The following CREG2 variants were observed in gnomAD, a reference collection of about 807,000 sequenced individuals.
CREG2 encodes the protein cellular repressor of E1A stimulated genes 2.
A neutral mutation model predicts 26.2 loss-of-function variants in CREG2; 24 were observed. The observed-to-expected ratio is 0.92, with a 90% confidence interval of 0.66 to 1.29. The LOEUF is 1.29. Ranked by LOEUF, CREG2 falls within the 50% of genes most tolerant of loss-of-function variation. The pLI is 0.00. For missense variants in CREG2, 366 were observed against 398.6 expected, an observed-to-expected ratio of 0.92 and a Z score of 0.70; for synonymous variants, 174 against 169.2, an observed-to-expected ratio of 1.03 and a Z score of -0.22.
chr2:101,362,386 T>C (rs1457828456), intron 2 of CREG2, among the ~76,000 whole-genome samples: 10 of 152,230 alleles, frequency 6.6e-5, no homozygotes, highest in Admixed American at 3.3e-4. Flanking sequence ...TTAAGTGAAC[T>C]GTTAAATTTC....
At chr2:101,351,444 C>T (rs934507363) in intron 3 of CREG2, among the ~76,000 whole-genome samples, 1 of 152,182 alleles carries the variant, frequency 6.6e-6, no homozygotes, top group Non-Finnish European at 1.5e-5. Context: ...GGCAATGAAC[C>T]ACACAGAAAA....
intron 2 of CREG2, among the ~76,000 whole-genome samples, chr2:101,356,782 CAT>C (rs1260268242): frequency 2.0e-5 from 3 of 152,110 alleles, no homozygotes; most frequent in Non-Finnish European, 4.4e-5. Context: ...GTAGTGTGAT[CAT>C]ATTTGTGACT....
chr2:101,355,213 G>C (rs367585203), intron 3 of CREG2, 40 bp downstream of exon 3: 4 of 1,259,050 alleles, frequency 3.2e-6, no homozygotes, highest in Non-Finnish European at 4.7e-6. Flanking sequence ...TATTAGTATT[G>C]TGTATTTCTG....
intron 2 of CREG2, among the ~76,000 whole-genome samples, chr2:101,357,477 C>T (rs1214346399): frequency 1.3e-5 from 2 of 152,184 alleles, no homozygotes; most frequent in Non-Finnish European, 2.9e-5. Flanking sequence ...TTGGCCACAG[C>T]TTGTGCCTTA....
chr2:101,350,892 T>C lies in CREG2; in HGVS notation c.*31A>G. The C allele has an allele frequency of 6.2e-7, 1 of 1,611,814 alleles. No individual in the cohort carries two copies. The highest frequency in any genetic ancestry group is 8.5e-7 in the Non-Finnish European group (1 of 1,178,750). ...ATCACTGAAAAGGTTTTCATTTAAGTGCAAACACCAAGGACTTTCTTCTCA... is the reference window on the plus strand; with the variant it reads ...ATCACTGAAAAGGTTTTCATTTAAGCGCAAACACCAAGGACTTTCTTCTCA... On this transcript the variant is annotated 3_prime_UTR_variant, in exon 4 of 4. Transcript: ENST00000324768.
At position 101,365,174 on chromosome 2, in the gene CREG2, T is replaced by G. The variant is rs1001912287; in HGVS notation, c.612-9808A>C. ...AGGCCTGCAGCTTCCACTGCCAGTT[T>G]TATTCCTGTTCCCTAGGGTAACCCT... is the stretch of plus-strand genomic sequence containing the variant. On this transcript the variant is annotated intron_variant, in intron 2 of 3. Coordinates refer to ENST00000324768, the MANE Select transcript of CREG2 (RefSeq NM_153836.4). Among the ~76,000 whole-genome samples the G allele has an allele frequency of 2.0e-5, 3 of 152,326 alleles. No homozygotes were observed. In the South Asian group the frequency reaches 6.2e-4, roughly 32 times the overall value.
chr2:101,374,926 A>G (rs1294210470), intron 2 of CREG2, among the ~76,000 whole-genome samples: 1 of 152,152 alleles, frequency 6.6e-6, no homozygotes, highest in East Asian at 1.9e-4. Flanking sequence ...GTGCACCCTC[A>G]TTTAGTTGTG....
intron 1 of CREG2, among the ~76,000 whole-genome samples, chr2:101,385,158 A>ATATT (rs902792184): frequency 1.3e-5 from 2 of 152,130 alleles, no homozygotes; most frequent in Non-Finnish European, 2.9e-5. Flanking sequence ...ATAAACAAAA[A>ATATT]TATTTATTTA....
At chr2:101,381,797 G>T (rs1684878640) in intron 2 of CREG2, among the ~76,000 whole-genome samples, 3 of 152,298 alleles carry the variant, frequency 2.0e-5, no homozygotes, top group Admixed American at 2.0e-4. Flanking sequence ...TTAGCCAGGG[G>T]GCTGCACAGG....
intron 1 of CREG2, among the ~76,000 whole-genome samples, 183 bp downstream of exon 1, chr2:101,386,834 G>A (rs1381605469): frequency 6.6e-6 from 1 of 152,122 alleles, no homozygotes; most frequent in East Asian, 1.9e-4. Context: ...CCCCGACTTC[G>A]CCAGGCTCAC....
chr2:101,385,406 C>G (rs2104489751), intron 1 of CREG2, among the ~76,000 whole-genome samples: 1 of 152,218 alleles, frequency 6.6e-6, no homozygotes, highest in South Asian at 2.1e-4. Flanking sequence ...GTCTTGAACT[C>G]CTGACCTCAA....
chr2:101,353,457 A>G (rs1255185314), intron 3 of CREG2, among the ~76,000 whole-genome samples: 1 of 152,236 alleles, frequency 6.6e-6, no homozygotes, highest in African/African-American at 2.4e-5. Context: ...TTAAAAAGTC[A>G]GGAAGCAACA....
chr2:101,387,156 G>A lies in CREG2; in HGVS notation c.302C>T (p.Pro101Leu), dbSNP rs1475830559. The A allele has an allele frequency of 4.7e-6, 6 of 1,268,014 alleles. No homozygotes were observed. The highest frequency in any genetic ancestry group is 1.6e-5 in the African/African-American group (1 of 64,398). 78.5% of individuals were successfully genotyped at this position (1,268,014 alleles called of 1,614,324 possible). Residue 101 changes from proline to leucine, a missense_variant, in exon 1 of 4, where the codon CCC becomes CTC. Pro to Leu is a moderately conservative substitution (Grantham distance 98). This residue lies in a region of CREG2 where 177 missense variants were observed against 183.3 expected (regional missense o/e 0.97). Transcript: ENST00000324768. This position sits in a 1 kb window ranked among gnomAD's most constrained non-coding sequence, Gnocchi z 4.7. ...AARARPPPAP[P>L]GMFSYRREGG... The stretch of plus-strand genomic sequence containing the variant: ...CTCGCGCCGGTAGGAGAACATCCCG[G>A]GTGGCGCGGGGGGCGGCCTGGCCCG...
At chr2:101,380,070 A>C (rs1235447030) in intron 2 of CREG2, among the ~76,000 whole-genome samples, 1 of 141,636 alleles carries the variant, frequency 7.1e-6, no homozygotes, top group Non-Finnish European at 1.6e-5. Flanking sequence ...TCCATCCATC[A>C]TTCATCTATC....
chr2:101,358,198 G>T (rs968082317), intron 2 of CREG2, among the ~76,000 whole-genome samples: 1 of 151,938 alleles, frequency 6.6e-6, no homozygotes, highest in Non-Finnish European at 1.5e-5. Context: ...CACCATGTTG[G>T]CCAGGCTGGT....
intron 3 of CREG2, among the ~76,000 whole-genome samples, chr2:101,352,342 C>T (rs1443839858): frequency 6.6e-6 from 1 of 152,138 alleles, no homozygotes; most frequent in Non-Finnish European, 1.5e-5. Flanking sequence ...AAGATAATAA[C>T]ATGATTGTTG....
chr2:101,364,040 G>A lies in CREG2; in HGVS notation c.612-8674C>T, dbSNP rs530810155. Among the ~76,000 whole-genome samples, 159 of 152,308 alleles carry A rather than the reference G, an allele frequency of 1.0e-3. 1 individual carries two copies. The highest frequency in any genetic ancestry group is 3.4e-3 in the African/African-American group (143 of 41,562). On this transcript the variant is annotated intron_variant, in intron 2 of 3. Coordinates refer to ENST00000324768, the MANE Select transcript of CREG2 (RefSeq NM_153836.4). The stretch of plus-strand genomic sequence containing the variant: ...GAGCATCTTGGTTGTCACAGAAACC[G>A]GGTTGAGGGGCTCTATCTCCTTGCA...
At chr2:101,383,865 C>T (rs144554988) in intron 1 of CREG2, among the ~76,000 whole-genome samples, 163 bp from the exon 2 acceptor site, 1 of 152,168 alleles carries the variant, frequency 6.6e-6, no homozygotes, top group Admixed American at 6.5e-5. Flanking sequence ...AGGTGGTCCC[C>T]AGTCTGCCCA....
rs1229337576 is a variant in CREG2, at chr2:101,349,367, T to C, written c.*1556A>G. The C allele has an allele frequency of 6.6e-6, 1 of 152,650 alleles. No homozygotes were observed. Among genetic ancestry groups the C allele is most frequent in the African/African-American group, 2.4e-5 (1 of 41,474 alleles). The allele number at this position is 152,650 out of a possible 1,614,324, so 9.5% of individuals were successfully genotyped here. A position where few individuals can be genotyped will look rare whatever the true frequency, so the allele number is the denominator to read the frequency against. On this transcript the variant is annotated 3_prime_UTR_variant, in exon 4 of 4. Transcript: ENST00000324768. Reference sequence around the variant, plus strand: ...ATCTTACTATGTTTTTAGCAATAGATAATTAAAATATATTTTGACAACTCA... The same window carrying C: ...ATCTTACTATGTTTTTAGCAATAGACAATTAAAATATATTTTGACAACTCA...
Sources: gnomAD v4.1 joint callset for allele counts (sites outside exome capture counted in the v4.1 genomes callset) on GRCh38, gnomAD v4.1.1 for gene constraint, gnomAD v4.1.1 regional missense constraint, Gnocchi (gnomAD v3.1) non-coding constraint, MANE v1.5 for transcripts, NCBI Gene and HGNC (gene_info 2026-07-23, HGNC 2026-07-21) for gene names.